AGBL4: variants seen among roughly 807,000 people sequenced by gnomAD.
The protein encoded by AGBL4 is AGBL carboxypeptidase 4.
A neutral mutation model predicts 66.4 loss-of-function variants in AGBL4; 58 were observed. The ratio of observed to expected loss-of-function variants is 0.87; its 90% CI spans 0.71 to 1.09. The LOEUF (loss-of-function observed/expected upper bound fraction) is 1.09. Among genes scored for constraint, AGBL4 ranks in the 50% least tolerant of loss-of-function variants. The pLI, the probability that AGBL4 is intolerant of heterozygous loss-of-function variation, is 0.00. For missense variants in AGBL4, 579 were observed against 631.0 expected (o/e 0.92, Z 0.88); for synonymous variants, 234 against 222.9 (o/e 1.05, Z -0.44).
chr1:49,333,812 G>A (rs1379871919), intron 3 of AGBL4, among the ~76,000 whole-genome samples: 1 of 152,072 alleles, frequency 6.6e-6, no homozygotes, highest in Non-Finnish European at 1.5e-5. Flanking sequence ...TGTTCAGTTT[G>A]GCCATGGTAA....
chr1:49,054,853 T>G (rs1644282657), intron 4 of AGBL4, among the ~76,000 whole-genome samples: 1 of 151,976 alleles, frequency 6.6e-6, no homozygotes, highest in Non-Finnish European at 1.5e-5. Context: ...TTATTATTGT[T>G]AATGAGACTT....
intron 1 of AGBL4, among the ~76,000 whole-genome samples, chr1:49,898,772 T>C (rs537495853): frequency 8.7e-4 from 133 of 152,248 alleles, no homozygotes; most frequent in African/African-American, 3.1e-3. Flanking sequence ...TACAATAAAG[T>C]ACTATCCAGC....
intron 6 of AGBL4, among the ~76,000 whole-genome samples, chr1:48,821,735 T>C (rs1646319216): frequency 6.6e-6 from 1 of 152,066 alleles, no homozygotes; most frequent in Non-Finnish European, 1.5e-5. Context: ...CATGTGCCCC[T>C]GAATCTAAAA....
chr1:49,362,486 C>G (rs1644160985), intron 3 of AGBL4, among the ~76,000 whole-genome samples: 1 of 138,178 alleles, frequency 7.2e-6, no homozygotes, highest in Non-Finnish European at 1.6e-5. Context: ...GAGAATCTAA[C>G]TACTCTCTGA....
At chr1:50,018,911 A>ATG (rs1662199472) in intron 1 of AGBL4, among the ~76,000 whole-genome samples, 1 of 152,172 alleles carries the variant, frequency 6.6e-6, no homozygotes, top group African/African-American at 2.4e-5. Context: ...GAATAAAATT[A>ATG]TGTAAGTCCA....
At chr1:49,543,959 C>A (rs910015804) in intron 3 of AGBL4, among the ~76,000 whole-genome samples, 3 of 152,074 alleles carry the variant, frequency 2.0e-5, no homozygotes, top group Non-Finnish European at 2.9e-5. Flanking sequence ...TTGGTGAAAC[C>A]CCCTCATTAC....
chr1:48,584,721 C>T (rs538111455), intron 11 of AGBL4: 2 of 152,432 alleles, frequency 1.3e-5, no homozygotes, highest in East Asian at 3.9e-4. Flanking sequence ...ATCTCAAAAA[C>T]AAACAAACAA....
intron 1 of AGBL4, among the ~76,000 whole-genome samples, chr1:49,907,000 C>T (rs1172431663): frequency 6.6e-6 from 1 of 152,052 alleles, no homozygotes; most frequent in African/African-American, 2.4e-5. Flanking sequence ...AGTTTCTAAT[C>T]CCTTTTCATG....
chr1:48,875,425 G>A lies in AGBL4; in HGVS notation c.595-8195C>T, dbSNP rs72891883. On this transcript the variant is annotated intron_variant, in intron 5 of 13. Coordinates refer to ENST00000371839, the MANE Select transcript of AGBL4 (RefSeq NM_032785.4). ...TTACTCAGAGAGAGAGTAGATAAGC[G>A]TGGACATCACTCAAAGCTGAAATAA... Among the ~76,000 whole-genome samples, 243 of 152,246 alleles carry A rather than the reference G, an allele frequency of 1.6e-3. 4 individuals are homozygous for A. The highest frequency in any genetic ancestry group is 5.6e-3 in the African/African-American group (233 of 41,560).
chr1:49,511,707 A>T (rs1649281300), intron 3 of AGBL4, among the ~76,000 whole-genome samples: 1 of 151,914 alleles, frequency 6.6e-6, no homozygotes, highest in Admixed American at 6.6e-5. Flanking sequence ...GAAGACTATG[A>T]AATGCAGTGG....
At chr1:49,145,523 G>A (rs1273090404) in intron 4 of AGBL4, among the ~76,000 whole-genome samples, 1 of 152,124 alleles carries the variant, frequency 6.6e-6, no homozygotes, top group Non-Finnish European at 1.5e-5. Context: ...TTGTTTTAAT[G>A]TAGGTAGTAT....
Position 49,582,454 on chromosome 1 carries a change from G to A in AGBL4, c.282+114859C>T, listed in dbSNP as rs546279317. Among the ~76,000 whole-genome samples the A allele has an allele frequency of 2.6e-5, 4 of 152,216 alleles. No individual in the cohort carries two copies. In the East Asian group the frequency reaches 7.7e-4, roughly 29 times the overall value. Reference sequence around the variant, plus strand: ...AGATGAGGTAGTTCATGCTTCACTTGCAACCCAAAACCTGGCCATAAGAGC... The same window carrying A: ...AGATGAGGTAGTTCATGCTTCACTTACAACCCAAAACCTGGCCATAAGAGC... On this transcript the variant is annotated intron_variant, in intron 3 of 13. Transcript: ENST00000371839.
At position 49,557,771 on chromosome 1, in the gene AGBL4, A is replaced by T. The variant is rs182650332; in HGVS notation, c.282+139542T>A. On this transcript the variant is annotated intron_variant, in intron 3 of 13. Transcript: ENST00000371839. Reference sequence around the variant, plus strand: ...AGGCCCAGAGACAGTGAACTGGGGAAGCACCTGACATAGTGAGACATCAGC... The same window carrying T: ...AGGCCCAGAGACAGTGAACTGGGGATGCACCTGACATAGTGAGACATCAGC... Among the ~76,000 whole-genome samples the T allele has an allele frequency of 2.1e-4, 32 of 152,136 alleles. 1 individual carries two copies. Among genetic ancestry groups the T allele is most frequent in the Non-Finnish European group, 3.5e-4 (24 of 68,004 alleles).
At chr1:48,570,351 T>C (rs1644541467) in intron 11 of AGBL4, among the ~76,000 whole-genome samples, 1 of 152,204 alleles carries the variant, frequency 6.6e-6, no homozygotes, top group South Asian at 2.1e-4. Context: ...CTTCGCAGTC[T>C]GCTGCCTCTT....
At chr1:49,187,639 T>C (rs1647038643) in intron 4 of AGBL4, 1 of 152,144 alleles carries the variant, frequency 6.6e-6, no homozygotes, top group South Asian at 2.1e-4. Flanking sequence ...TTAAAATTCT[T>C]CAATGGATCC....
At chr1:49,363,936 A>T (rs1644192044) in intron 3 of AGBL4, among the ~76,000 whole-genome samples, 1 of 152,242 alleles carries the variant, frequency 6.6e-6, no homozygotes, top group African/African-American at 2.4e-5. Context: ...ATGGTTGGGA[A>T]AAACACAGGG....
At chr1:49,527,325 A>G (rs545720327) in intron 3 of AGBL4, 1 of 152,248 alleles carries the variant, frequency 6.6e-6, no homozygotes, top group Non-Finnish European at 1.5e-5. Context: ...GCCCATGAAC[A>G]TCAAGCATGT....
rs183964486 is a variant in AGBL4, at chr1:49,553,910, G to T, written c.282+143403C>A. On this transcript the variant is annotated intron_variant, in intron 3 of 13. Transcript: ENST00000371839. ...TCCCAGCACTTTAGGAGGTTGAGAT[G>T]GGAGGATCCCTTGAAGCAGGAGTTC... is the stretch of plus-strand genomic sequence containing the variant. Among the ~76,000 whole-genome samples, 3 of 152,278 alleles carry T rather than the reference G, an allele frequency of 2.0e-5. No individual in the cohort carries two copies. In the East Asian group the frequency reaches 5.8e-4, roughly 29 times the overall value.
intron 4 of AGBL4, among the ~76,000 whole-genome samples, chr1:49,129,155 C>T (rs1436751476): frequency 6.6e-6 from 1 of 151,936 alleles, no homozygotes; most frequent in African/African-American, 2.4e-5. Flanking sequence ...ACATTGAATA[C>T]TACTACATAC....
Sources: allele counts gnomAD v4.1 joint callset (sites outside exome capture counted in the v4.1 genomes callset), GRCh38; gene constraint gnomAD v4.1.1; transcripts MANE v1.5; gene names NCBI Gene and HGNC (gene_info 2026-07-23, HGNC 2026-07-21).